ALDH1L2: variants seen among roughly 807,000 people sequenced by gnomAD.
The protein encoded by ALDH1L2 is aldehyde dehydrogenase 1 family member L2.
A neutral mutation model predicts 111.0 loss-of-function variants in ALDH1L2; 91 were observed. The observed-to-expected ratio is 0.82, with a 90% CI of 0.69 to 0.98. The LOEUF is 0.98. Among genes scored for constraint, ALDH1L2 ranks in the 50% least tolerant of loss-of-function variants. The probability of loss-of-function intolerance (pLI) is 0.00; values close to 1 mark genes in which losing one functional copy is unlikely to be tolerated. For synonymous variants in ALDH1L2, 374 were observed against 392.6 expected, an observed-to-expected ratio of 0.95 and a Z score of 0.56; for missense variants, 995 against 1,126.8, an observed-to-expected ratio of 0.88 and a Z score of 1.67.
intron 19 of ALDH1L2, 60 bp from the exon 20 acceptor site, chr12:105,031,994 C>A: frequency 6.4e-7 from 1 of 1,564,104 alleles, no homozygotes; most frequent in Admixed American, 1.7e-5. Flanking sequence ...GAGTTTCTAC[C>A]AAGTGGTAGG....
chr12:105,057,947 G>T, intron 10 of ALDH1L2, 126 bp downstream of exon 10: 1 of 1,171,100 alleles, frequency 8.5e-7, no homozygotes, highest in Non-Finnish European at 1.2e-6. Flanking sequence ...ATCTGAATTA[G>T]ATCTCAGTAA....
At chr12:105,038,954 G>T (rs994188074) in intron 17 of ALDH1L2, among the ~76,000 whole-genome samples, 4 of 152,062 alleles carry the variant, frequency 2.6e-5, no homozygotes, top group Non-Finnish European at 5.9e-5. Flanking sequence ...TTAAAAGTAC[G>T]CTGCTTATTT....
At chr12:105,042,011 A>G (rs1457292484) in intron 15 of ALDH1L2, among the ~76,000 whole-genome samples, 2 of 152,192 alleles carry the variant, frequency 1.3e-5, no homozygotes, top group Non-Finnish European at 2.9e-5. Flanking sequence ...ATATCTGGAC[A>G]TTATTGAGGG....
chr12:105,024,460 T>G lies in ALDH1L2; in HGVS notation c.2736A>C (p.Glu912Asp). The change falls in exon 23 of 23, where the codon GAA becomes GAC. Residue 912 changes from glutamate to aspartate, a missense_variant. Glu to Asp is a conservative substitution (Grantham distance 45). Transcript: ENST00000258494. ...GKDLGEEALN[E>D]YLKTKTVTLE... ...GTGTCACCGTCTTGGTTTTGAGATA[T>G]TCATTTAGAGCTTCCTCACCTAGGG... The G allele has an allele frequency of 8.1e-6, 13 of 1,614,052 alleles. No homozygotes were observed. Among genetic ancestry groups the G allele is most frequent in the Non-Finnish European group, 1.1e-5 (13 of 1,179,968 alleles).
At chr12:105,043,628 A>C (rs185184795) in intron 15 of ALDH1L2, among the ~76,000 whole-genome samples, 25 of 152,356 alleles carry the variant, frequency 1.6e-4, no homozygotes, top group African/African-American at 5.8e-4. Context: ...ATCCTGAATT[A>C]ATTATAATTC....
intron 20 of ALDH1L2, among the ~76,000 whole-genome samples, chr12:105,031,247 C>T (rs1874680912): frequency 6.6e-6 from 1 of 152,170 alleles, no homozygotes; most frequent in African/African-American, 2.4e-5. Context: ...CATCCATTTT[C>T]ATTAACTATT....
At chr12:105,058,031 G>T (rs1876743109) in intron 10 of ALDH1L2, 42 bp downstream of exon 10, 1 of 1,592,376 alleles carries the variant, frequency 6.3e-7, no homozygotes. Context: ...ATAGTGTATG[G>T]ATCTCACTGA....
intron 17 of ALDH1L2, among the ~76,000 whole-genome samples, 164 bp downstream of exon 17, chr12:105,039,549 A>C (rs568066345): frequency 2.0e-5 from 3 of 152,198 alleles, no homozygotes; most frequent in African/African-American, 7.2e-5. Flanking sequence ...AATGCTTTGG[A>C]AAGTATTTTA....
In ALDH1L2 at chr12:105,021,664, T is replaced by C. The variant is rs1340394690; in HGVS notation, c.*2760A>G. 6.6e-6 allele frequency: 1 copy of C among 151,896 alleles called. No individual in the cohort carries two copies. The highest frequency in any genetic ancestry group is 1.5e-5 in the Non-Finnish European group (1 of 67,986). The allele number at this position is 151,896 out of a possible 1,614,324, so 9.4% of individuals were successfully genotyped here. ...TTGATTTCTTCATTTTTTTCAGAGATTGTGAAGATTAAATAACATTTAAAA... is the reference window on the plus strand; with the variant it reads ...TTGATTTCTTCATTTTTTTCAGAGACTGTGAAGATTAAATAACATTTAAAA... On this transcript the variant is annotated 3_prime_UTR_variant, in exon 23 of 23. Coordinates refer to ENST00000258494, the MANE Select transcript of ALDH1L2 (RefSeq NM_001034173.4).
At chr12:105,069,424 T>G (rs2136103294) in intron 3 of ALDH1L2, among the ~76,000 whole-genome samples, 1 of 152,308 alleles carries the variant, frequency 6.6e-6, no homozygotes, top group African/African-American at 2.4e-5. Flanking sequence ...GAGCTACAAA[T>G]CAAGACCTAA....
At chr12:105,047,283 G>A (rs928995606) in intron 13 of ALDH1L2, among the ~76,000 whole-genome samples, 1 of 152,150 alleles carries the variant, frequency 6.6e-6, no homozygotes, top group Non-Finnish European at 1.5e-5. Context: ...TATTAATAAT[G>A]GGGACAGGAA....
chr12:105,077,827 T>G (rs1878143158), intron 1 of ALDH1L2, among the ~76,000 whole-genome samples: 2 of 151,826 alleles, frequency 1.3e-5, no homozygotes, highest in Admixed American at 6.6e-5. Flanking sequence ...CTGAAGCCCT[T>G]TGGCCAGATG....
chr12:105,067,583 C>T (rs1334451045), intron 4 of ALDH1L2, among the ~76,000 whole-genome samples: 1 of 152,086 alleles, frequency 6.6e-6, no homozygotes, highest in Non-Finnish European at 1.5e-5. Context: ...GGGAGGTGTC[C>T]TGCATTTTCT....
intron 1 of ALDH1L2, among the ~76,000 whole-genome samples, chr12:105,080,676 G>C (rs1391316442): frequency 1.3e-5 from 2 of 152,158 alleles, no homozygotes; most frequent in Non-Finnish European, 2.9e-5. Flanking sequence ...TCAGACTTTG[G>C]AATGTTTGCA....
intron 5 of ALDH1L2, among the ~76,000 whole-genome samples, 190 bp from the exon 6 acceptor site, chr12:105,065,546 A>G (rs1877297934): frequency 6.6e-6 from 1 of 152,248 alleles, no homozygotes; most frequent in Non-Finnish European, 1.5e-5. Context: ...TTATTAAAGG[A>G]AAATAAAAAG....
chr12:105,045,094 GT>G (rs1389424791), intron 15 of ALDH1L2, among the ~76,000 whole-genome samples: 2 of 122,508 alleles, frequency 1.6e-5, no homozygotes, highest in Non-Finnish European at 3.9e-5. Context: ...TTGTTTGTTT[GT>G]TTTTTGAGAC....
chr12:105,074,448 A>C (rs1275979609), intron 1 of ALDH1L2, among the ~76,000 whole-genome samples: 1 of 122,096 alleles, frequency 8.2e-6, no homozygotes. Context: ...ACAGAGCAAG[A>C]CTCTGTCTCC....
At position 105,064,114 on chromosome 12, in the gene ALDH1L2, C is replaced by CTTTTTTTTTTTTTTT. The variant is rs71069786; in HGVS notation, c.787-1107_787-1093dup. Among the ~76,000 whole-genome samples the CTTTTTTTTTTTTTTT allele has an allele frequency of 3.4e-4, 12 of 35,124 alleles. 2 individuals are homozygous for CTTTTTTTTTTTTTTT. The highest frequency in any genetic ancestry group is 4.8e-4 in the Non-Finnish European group (9 of 18,602). The allele number at this position is 35,124 out of a possible 152,430, so 23.0% of individuals were successfully genotyped here. ...TACAGGCACATGCCACCACACCGAG[C>CTTTTTTTTTTTTTTT]TTTTTTTTTTTTTTTTTTTTTTTTT... On this transcript the variant is annotated intron_variant, in intron 6 of 22. Transcript: ENST00000258494.
rs1288193846 is a variant in ALDH1L2 at position 105,061,695 on chromosome 12, A to G, written c.979T>C (p.Phe327Leu). 6.2e-7 allele frequency: 1 copy of G among 1,614,140 alleles called. No homozygotes were observed. Among genetic ancestry groups the G allele is most frequent in the South Asian group, 1.1e-5 (1 of 91,082 alleles). Residue 327 changes from phenylalanine (F) to leucine (L), a missense_variant, in exon 8 of 23, where the codon TTT becomes CTT. Transcript: ENST00000258494. ...DGKMIPASQY[F>L]STGETSVVEL... Reference sequence around the variant, plus strand: ...ACCACTGACGTCTCACCCGTTGAAAAGTACTGAGAGGCAGGGATCATTTTT... The same window carrying G: ...ACCACTGACGTCTCACCCGTTGAAAGGTACTGAGAGGCAGGGATCATTTTT...
Sources: allele counts gnomAD v4.1 joint callset (sites outside exome capture counted in the v4.1 genomes callset), GRCh38; gene constraint gnomAD v4.1.1; transcripts MANE v1.5; gene names NCBI Gene and HGNC (gene_info 2026-07-23, HGNC 2026-07-21).